The following CPE variants were observed in gnomAD, a reference collection of about 807,000 sequenced individuals.
CPE encodes carbocypeptidase E.
CPE carries 17 observed loss-of-function variants against 53.5 expected under a neutral mutation model. The observed-to-expected ratio is 0.32, with a 90% CI of 0.22 to 0.48. CPE has a LOEUF of 0.48. CPE is among the 20% of genes least tolerant of loss of function. CPE has a pLI of 0.99. For synonymous variants in CPE, 226 were observed against 228.8 expected (o/e 0.99, Z 0.11); for missense variants, 524 against 614.7 (o/e 0.85, Z 1.56).
At position 165,482,378 on chromosome 4, in the gene CPE, T is replaced by A. The variant is rs1732430492; in HGVS notation, c.790+19T>A. The A allele has an allele frequency of 5.9e-6, 9 of 1,530,720 alleles. No homozygotes were observed. The highest frequency in any genetic ancestry group is 7.2e-6 in the Non-Finnish European group (8 of 1,104,782). 94.8% of individuals were successfully genotyped at this position (1,530,720 alleles called of 1,614,324 possible). A position where few individuals can be genotyped will look rare whatever the true frequency, so the allele number is the denominator to read the frequency against. ...CGGAGTGGTAGGTATTCTTTCTGCT[T>A]CTCTTATTGGTTCAAAGTTTATAAC... On this transcript the variant is annotated intron_variant, in intron 4 of 8. Transcript: ENST00000402744.
chr4:165,450,349 G>A (rs934985301), intron 1 of CPE, among the ~76,000 whole-genome samples: 2 of 151,874 alleles, frequency 1.3e-5, no homozygotes, highest in Non-Finnish European at 2.9e-5. Context: ...TCTTCATTGG[G>A]AAGAAAAAAT....
At chr4:165,456,556 T>TTCTC (rs33985842) in intron 1 of CPE, among the ~76,000 whole-genome samples, 2 of 149,598 alleles carry the variant, frequency 1.3e-5, no homozygotes, top group Non-Finnish European at 3.0e-5. Context: ...CTCTCTCTCT[T>TTCTC]TCTCTCTCTC....
At chr4:165,400,085 G>C (rs1406827818) in intron 1 of CPE, among the ~76,000 whole-genome samples, 1 of 152,194 alleles carries the variant, frequency 6.6e-6, no homozygotes, top group Non-Finnish European at 1.5e-5. Flanking sequence ...TCATTTGTTT[G>C]GGAGTTAACA....
In CPE at chr4:165,484,413, G is replaced by A. The variant is rs553883034; in HGVS notation, c.791-9G>A. On this transcript the variant is annotated splice_polypyrimidine_tract_variant and intron_variant, in intron 4 of 8. Coordinates refer to ENST00000402744, the MANE Select transcript of CPE (RefSeq NM_001873.4). Reference sequence around the variant, plus strand: ...TCTGTTTCTTTAATCTTGTGGATTTGTTTTCTAGGTAGTGCTCACGAATAC... The same window carrying A: ...TCTGTTTCTTTAATCTTGTGGATTTATTTTCTAGGTAGTGCTCACGAATAC... The A allele has an allele frequency of 6.2e-7, 1 of 1,611,114 alleles. No individual in the cohort carries two copies. Among genetic ancestry groups the A allele is most frequent in the African/African-American group, 1.3e-5 (1 of 74,958 alleles).
At position 165,424,701 on chromosome 4, in the gene CPE, T is replaced by A. The variant is rs1363284231; in HGVS notation, c.308-39689T>A. On this transcript the variant is annotated intron_variant, in intron 1 of 8. Transcript: ENST00000402744. The stretch of plus-strand genomic sequence containing the variant: ...GGCGCCCGCCACCACGCCCGGCTAA[T>A]TTTTTTGTATTTTTAGTAGAGACGG... Among the ~76,000 whole-genome samples, 5 of 151,388 alleles carry A rather than the reference T, an allele frequency of 3.3e-5. No homozygotes were observed. In the East Asian group the frequency reaches 9.8e-4, roughly 30 times the overall value.
intron 4 of CPE, among the ~76,000 whole-genome samples, chr4:165,483,230 A>G (rs1406055304): frequency 6.6e-6 from 1 of 152,168 alleles, no homozygotes; most frequent in Non-Finnish European, 1.5e-5. Flanking sequence ...TTCCACTTAT[A>G]AATGAGAGTA....
intron 3 of CPE, among the ~76,000 whole-genome samples, chr4:165,481,258 T>A (rs1386300642): frequency 6.6e-6 from 1 of 152,168 alleles, no homozygotes; most frequent in Non-Finnish European, 1.5e-5. Flanking sequence ...AACTTTCAGA[T>A]TCCTCCTTGT....
At chr4:165,490,262 G>T (rs1262190353) in intron 6 of CPE, among the ~76,000 whole-genome samples, 1 of 152,210 alleles carries the variant, frequency 6.6e-6, no homozygotes, top group Non-Finnish European at 1.5e-5. Flanking sequence ...TAGAGAGTCT[G>T]CTAAGGAGAA....
chr4:165,470,794 C>T (rs560948631), intron 3 of CPE, among the ~76,000 whole-genome samples: 1 of 152,256 alleles, frequency 6.6e-6, no homozygotes, highest in African/African-American at 2.4e-5. Flanking sequence ...TCTGTAACTG[C>T]TTCCTACTGA....
At chr4:165,482,973 C>T (rs954889698) in intron 4 of CPE, among the ~76,000 whole-genome samples, 56 of 149,342 alleles carry the variant, frequency 3.7e-4, no homozygotes, top group African/African-American at 1.4e-3. Flanking sequence ...GAAGAGTTAG[C>T]TTTTTGTAAA....
At chr4:165,403,194 A>G (rs1250966717) in intron 1 of CPE, among the ~76,000 whole-genome samples, 1 of 152,238 alleles carries the variant, frequency 6.6e-6, no homozygotes, top group African/African-American at 2.4e-5. Flanking sequence ...TAAGCAAGCT[A>G]TTAAAAAACA....
chr4:165,394,667 T>C (rs1730735761), intron 1 of CPE, among the ~76,000 whole-genome samples: 1 of 147,268 alleles, frequency 6.8e-6, no homozygotes, highest in Non-Finnish European at 1.5e-5. Context: ...TTGGGCCCAG[T>C]AGTTCGAGAC....
chr4:165,470,289 G>A (rs1293117561), intron 3 of CPE, among the ~76,000 whole-genome samples: 1 of 152,170 alleles, frequency 6.6e-6, no homozygotes, highest in Non-Finnish European at 1.5e-5. Flanking sequence ...GGAGCAGGAG[G>A]TTGTGTGTCT....
intron 1 of CPE, among the ~76,000 whole-genome samples, chr4:165,454,226 T>C (rs1416573086): frequency 6.6e-6 from 1 of 152,216 alleles, no homozygotes; most frequent in Non-Finnish European, 1.5e-5. Context: ...GATTTCTCCA[T>C]AGGCTCAGGC....
At chr4:165,494,683 A>G (rs1053148738) in intron 7 of CPE, among the ~76,000 whole-genome samples, 1 of 152,238 alleles carries the variant, frequency 6.6e-6, no homozygotes, top group Non-Finnish European at 1.5e-5. Flanking sequence ...GATTGAGAAC[A>G]TGAACAAACC....
chr4:165,474,161 C>G (rs2126706440), intron 3 of CPE, among the ~76,000 whole-genome samples: 1 of 152,328 alleles, frequency 6.6e-6, no homozygotes, highest in African/African-American at 2.4e-5. Flanking sequence ...GAGCATTCCT[C>G]TTGTTTCTGC....
At chr4:165,410,266 G>T (rs1288176324) in intron 1 of CPE, among the ~76,000 whole-genome samples, 1 of 149,670 alleles carries the variant, frequency 6.7e-6, no homozygotes, top group African/African-American at 2.5e-5. Context: ...AAAAATCAGA[G>T]ATTTTAACAG....
intron 1 of CPE, among the ~76,000 whole-genome samples, chr4:165,441,315 A>G (rs1236877919): frequency 6.6e-6 from 1 of 152,206 alleles, no homozygotes; most frequent in South Asian, 2.1e-4. Context: ...TGGCTCCTAT[A>G]GATCCTGAAC....
intron 3 of CPE, among the ~76,000 whole-genome samples, chr4:165,479,927 G>A (rs1732373334): frequency 6.7e-6 from 1 of 150,168 alleles, no homozygotes. Context: ...GGGAGGCGGA[G>A]CTTGCAGTGA....
Sources: gnomAD v4.1 joint callset for allele counts (sites outside exome capture counted in the v4.1 genomes callset) on GRCh38, gnomAD v4.1.1 for gene constraint, MANE v1.5 for transcripts, NCBI Gene and HGNC (gene_info 2026-07-23, HGNC 2026-07-21) for gene names.